The following KAZN variants were observed in gnomAD, a reference collection of about 807,000 sequenced individuals.
The protein encoded by KAZN is kazrin.
A neutral mutation model predicts 87.4 loss-of-function variants in KAZN; 40 were observed. The observed-to-expected ratio is 0.46, with a 90% CI of 0.36 to 0.60. The LOEUF (loss-of-function observed/expected upper bound fraction) is 0.60. Among genes scored for constraint, KAZN ranks in the 20% least tolerant of loss-of-function variants. The probability of loss-of-function intolerance (pLI) is 0.00; values close to 1 mark genes in which losing one functional copy is unlikely to be tolerated. For synonymous variants in KAZN, 466 were observed against 458.3 expected (o/e 1.02, Z -0.22); for missense variants, 898 against 1,073.9 (o/e 0.84, Z 2.29).
chr1:15,116,970 C>T lies in KAZN; in HGVS notation c.*2335C>T, dbSNP rs2100767949. 6.6e-6 allele frequency: 1 copy of T among 152,324 alleles called. No homozygotes were observed. 9.4% of individuals were successfully genotyped at this position (152,324 alleles called of 1,614,324 possible). On this transcript the variant is annotated 3_prime_UTR_variant, in exon 15 of 15. Transcript: ENST00000376030. ...TGGTTTAAATTATGCCATCACAACC[C>T]TCTTTCACCCATGAGGCTCCCCATC...
intron 1 of KAZN, among the ~76,000 whole-genome samples, chr1:14,772,385 G>A (rs1645043759): frequency 6.6e-6 from 1 of 152,146 alleles, no homozygotes; most frequent in South Asian, 2.1e-4. Flanking sequence ...TCAGGAGGCT[G>A]AGGTGGGAGA....
At chr1:14,641,055 A>C (rs968322920) in intron 1 of KAZN, among the ~76,000 whole-genome samples, 25 of 152,342 alleles carry the variant, frequency 1.6e-4, no homozygotes, top group African/African-American at 5.5e-4. Flanking sequence ...CATTCCCAAC[A>C]GTCCCAGCAG....
rs112430923 is a variant in KAZN at position 14,178,233 on chromosome 1, T to G, written c.92-2202T>G. ...TATGCGTCAATGAAACCTCTTTCCT[T>G]TATAAATTACCCAGTCTCTCCGATG... On this transcript the variant is annotated intron_variant, in intron 1 of 16. Transcript: ENST00000636203. Among the ~76,000 whole-genome samples the G allele has an allele frequency of 7.5e-3, 1,138 of 152,288 alleles. 18 individuals are homozygous for G. The highest frequency in any genetic ancestry group is 0.026 in the African/African-American group (1,082 of 41,530).
chr1:14,943,611 A>G (rs1318768093), intron 1 of KAZN, among the ~76,000 whole-genome samples: 1 of 152,224 alleles, frequency 6.6e-6, no homozygotes, highest in Non-Finnish European at 1.5e-5. Context: ...ATTAATCCCT[A>G]CAGCAATCAC....
intron 1 of KAZN, among the ~76,000 whole-genome samples, chr1:14,901,903 C>A (rs1439394776): frequency 6.6e-6 from 1 of 152,190 alleles, no homozygotes; most frequent in Non-Finnish European, 1.5e-5. Context: ...TACAACGAAG[C>A]TCTCAGGAGG....
intron 1 of KAZN, among the ~76,000 whole-genome samples, chr1:14,937,488 T>G (rs2101618162): frequency 6.6e-6 from 1 of 152,306 alleles, no homozygotes; most frequent in South Asian, 2.1e-4. Flanking sequence ...CCTCCGCCTC[T>G]CTCCCTGCCA....
At chr1:15,047,702 C>G (rs1673723590) in intron 4 of KAZN, among the ~76,000 whole-genome samples, 1 of 152,074 alleles carries the variant, frequency 6.6e-6, no homozygotes, top group African/African-American at 2.4e-5. Flanking sequence ...ACCCAGAAGG[C>G]AGAGGTTGCA....
At position 14,698,412 on chromosome 1, in the gene KAZN, G is replaced by T. The variant is rs998305102; in HGVS notation, c.226+99189G>T. On this transcript the variant is annotated intron_variant, in intron 1 of 14. Coordinates refer to ENST00000376030, the MANE Select transcript of KAZN (RefSeq NM_201628.3). ...ACCTCCACCGTCCCATCTGGCCCTC[G>T]GCCGTGAGCCACGCAGATTCTGCTG... Among the ~76,000 whole-genome samples, 6 of 152,186 alleles carry T rather than the reference G, an allele frequency of 3.9e-5. 1 individual carries two copies. Among genetic ancestry groups the T allele is most frequent in the Admixed American group, 3.3e-4 (5 of 15,288 alleles).
chr1:13,925,699 C>G (rs1640245566), intron 1 of KAZN, among the ~76,000 whole-genome samples: 1 of 152,174 alleles, frequency 6.6e-6, no homozygotes, highest in South Asian at 2.1e-4. Context: ...GCTGGGAATG[C>G]AGAAGTACCT....
chr1:14,979,216 C>G, intron 2 of KAZN, among the ~76,000 whole-genome samples: 1 of 151,866 alleles, frequency 6.6e-6, no homozygotes, highest in Non-Finnish European at 1.5e-5. Flanking sequence ...TCAAGACCAG[C>G]CTGACCAACG....
At chr1:14,327,453 C>T (rs1656519134) in intron 2 of KAZN, among the ~76,000 whole-genome samples, 1 of 152,126 alleles carries the variant, frequency 6.6e-6, no homozygotes, top group African/African-American at 2.4e-5. Flanking sequence ...TCCCTCTCAT[C>T]CCCCTAGCGG....
intron 2 of KAZN, among the ~76,000 whole-genome samples, chr1:14,353,785 A>C (rs1658761979): frequency 6.6e-6 from 1 of 152,198 alleles, no homozygotes; most frequent in African/African-American, 2.4e-5. Context: ...GAAATGAAAA[A>C]ACTAAGTATA....
intron 1 of KAZN, among the ~76,000 whole-genome samples, chr1:13,954,351 A>C (rs1443511869): frequency 1.3e-5 from 2 of 152,196 alleles, no homozygotes. Flanking sequence ...TTAAAACCAC[A>C]CTTGCTTTCC....
chr1:14,603,070 C>T (rs1409556725), intron 1 of KAZN, among the ~76,000 whole-genome samples: 1 of 152,214 alleles, frequency 6.6e-6, no homozygotes, highest in Non-Finnish European at 1.5e-5. Context: ...ACACTGGAAA[C>T]TCTTTCGTGA....
chr1:13,962,700 G>A (rs1641800093), intron 1 of KAZN, among the ~76,000 whole-genome samples: 2 of 152,174 alleles, frequency 1.3e-5, no homozygotes, highest in Non-Finnish European at 2.9e-5. Flanking sequence ...CAGGATTACA[G>A]GAGTGCACCA....
Position 14,976,796 on chromosome 1 carries a change from G to A in KAZN, c.418+15921G>A, listed in dbSNP as rs146263004. Among the ~76,000 whole-genome samples, 663 of 152,318 alleles carry A rather than the reference G, an allele frequency of 4.4e-3. 7 individuals carry two copies. The highest frequency in any genetic ancestry group is 0.03 in the South Asian group (147 of 4,824). The stretch of plus-strand genomic sequence containing the variant: ...AGGCAGGGCGCGGTGGCTCACGCCT[G>A]TAATCTCAGCACTTTGGGAGGCCGA... On this transcript the variant is annotated intron_variant, in intron 2 of 14. Coordinates refer to ENST00000376030, the MANE Select transcript of KAZN (RefSeq NM_201628.3).
intron 2 of KAZN, among the ~76,000 whole-genome samples, chr1:14,410,303 T>C (rs367625142): frequency 2.0e-5 from 3 of 152,308 alleles, no homozygotes; most frequent in African/African-American, 7.2e-5. Context: ...AGTTTCACCA[T>C]GTTGGCTAGG....
intron 2 of KAZN, among the ~76,000 whole-genome samples, chr1:14,324,437 G>A (rs1373645160): frequency 6.6e-6 from 1 of 152,168 alleles, no homozygotes; most frequent in Non-Finnish European, 1.5e-5. Context: ...CCCACAAAGT[G>A]CTTACTCAGG....
At chr1:14,889,993 A>G (rs12029721) in intron 1 of KAZN, among the ~76,000 whole-genome samples, 16,274 of 152,244 alleles carry the variant, frequency 0.11, 1,078 homozygotes, top group Admixed American at 0.2. Flanking sequence ...CAGCCTCTTG[A>G]AGAGTTACAA....
Sources: gnomAD v4.1 joint callset for allele counts (sites outside exome capture counted in the v4.1 genomes callset) on GRCh38, gnomAD v4.1.1 for gene constraint, MANE v1.5 for transcripts, NCBI Gene and HGNC (gene_info 2026-07-23, HGNC 2026-07-21) for gene names.